ATP8A2: variants seen among roughly 807,000 people sequenced by gnomAD.
The protein encoded by ATP8A2 is phospholipid-transporting ATPase IB.
Under a neutral mutation model 165.6 loss-of-function variants are expected in ATP8A2, and 100 were observed. The ratio of observed to expected loss-of-function variants is 0.60; its 90% CI spans 0.51 to 0.71. The LOEUF (loss-of-function observed/expected upper bound fraction) is 0.71. Among genes scored for constraint, ATP8A2 ranks in the 30% least tolerant of loss-of-function variants. ATP8A2 has a pLI of 0.00. For missense variants in ATP8A2, 1,227 were observed against 1,479.5 expected (o/e 0.83, Z 2.80); for synonymous variants, 543 against 548.8 (o/e 0.99, Z 0.15).
At position 25,953,517 on chromosome 13, in the gene ATP8A2, CT is replaced by C. The variant is rs386378544; in HGVS notation, c.3184-8053del. ...CTTATGTAGCCCTGGTTACTCCAGC[CT>C]TTTTAAAAAAAAAAAAAAAAAAAAA... On this transcript the variant is annotated intron_variant, in intron 33 of 36. Coordinates refer to ENST00000381655, the MANE Select transcript of ATP8A2 (RefSeq NM_016529.6). This position sits in a 1 kb window ranked among gnomAD's most constrained non-coding sequence, Gnocchi z 6.7. Among the ~76,000 whole-genome samples the C allele has an allele frequency of 4.1e-4, 45 of 109,294 alleles. No individual in the cohort carries two copies. Among genetic ancestry groups the C allele is most frequent in the Non-Finnish European group, 5.8e-4 (30 of 51,712 alleles). 71.7% of individuals were successfully genotyped at this position (109,294 alleles called of 152,430 possible).
At chr13:25,553,649 T>G (rs1288190647) in intron 11 of ATP8A2, 144 bp from the exon 12 acceptor site, 2 of 756,252 alleles carry the variant, frequency 2.6e-6, no homozygotes, top group Non-Finnish European at 4.4e-6. Flanking sequence ...GTGGGGCCTG[T>G]GTGCCTCCTA....
chr13:25,492,354 C>G (rs1265012496), intron 2 of ATP8A2, among the ~76,000 whole-genome samples: 1 of 152,184 alleles, frequency 6.6e-6, no homozygotes, highest in Admixed American at 6.5e-5. Flanking sequence ...CCATGCCTGG[C>G]CTAGATGCAA....
intron 10 of ATP8A2, among the ~76,000 whole-genome samples, chr13:25,549,109 T>C (rs955583165): frequency 2.0e-4 from 30 of 152,286 alleles, no homozygotes; most frequent in African/African-American, 7.2e-4. Flanking sequence ...TTTTTATGGT[T>C]AGTGCCTTAC....
intron 1 of ATP8A2, among the ~76,000 whole-genome samples, chr13:25,452,685 T>G (rs1206203977): frequency 6.6e-6 from 1 of 152,212 alleles, no homozygotes. Flanking sequence ...ATTTTTTAGC[T>G]TCATCAATAG....
intron 27 of ATP8A2, among the ~76,000 whole-genome samples, chr13:25,796,622 C>T (rs1215358747): frequency 6.6e-6 from 1 of 152,220 alleles, no homozygotes; most frequent in Non-Finnish European, 1.5e-5. Context: ...AGATCTTCAG[C>T]ACTAGCCCAG....
intron 24 of ATP8A2, among the ~76,000 whole-genome samples, chr13:25,627,440 G>A (rs2076379630): frequency 6.6e-6 from 1 of 152,126 alleles, no homozygotes; most frequent in South Asian, 2.1e-4. Context: ...GCTGTATTTG[G>A]AGTAAGGAAG....
intron 1 of ATP8A2, among the ~76,000 whole-genome samples, chr13:25,454,093 C>G (rs2035298558): frequency 6.6e-6 from 1 of 152,106 alleles, no homozygotes. Context: ...ATGTGTCACT[C>G]TGGAGTGAAC....
intron 27 of ATP8A2, among the ~76,000 whole-genome samples, chr13:25,775,596 C>T (rs74352776): frequency 0.031 from 4,786 of 152,172 alleles, 256 homozygotes; most frequent in African/African-American, 0.11. Context: ...ACAAACGTGC[C>T]TGCTAGAGGG....
At chr13:25,478,842 C>T (rs1394210249) in intron 2 of ATP8A2, among the ~76,000 whole-genome samples, 1 of 126,272 alleles carries the variant, frequency 7.9e-6, no homozygotes, top group Non-Finnish European at 1.6e-5. Flanking sequence ...CATTGGATGT[C>T]CCATTTGTAA....
intron 33 of ATP8A2, among the ~76,000 whole-genome samples, chr13:25,918,688 T>C (rs1954341293): frequency 6.6e-6 from 1 of 152,100 alleles, no homozygotes; most frequent in Non-Finnish European, 1.5e-5. Flanking sequence ...AGTCAACACA[T>C]AGAAAATTTG....
chr13:25,814,770 C>A (rs4126591), intron 27 of ATP8A2, among the ~76,000 whole-genome samples: 2,073 of 152,216 alleles, frequency 0.014, 43 homozygotes, highest in African/African-American at 0.045. Context: ...AATTCCAGCA[C>A]TTTGGGAGGC....
intron 1 of ATP8A2, among the ~76,000 whole-genome samples, chr13:25,414,689 T>G (rs188626955): frequency 3.7e-4 from 57 of 152,364 alleles, no homozygotes; most frequent in African/African-American, 1.3e-3. Context: ...CTGAGGTTTC[T>G]TAAATATTAA....
chr13:25,803,962 G>A (rs1359932247), intron 27 of ATP8A2, among the ~76,000 whole-genome samples: 1 of 152,188 alleles, frequency 6.6e-6, no homozygotes, highest in African/African-American at 2.4e-5. Context: ...GAAGTAGTAT[G>A]ACAAGCAGCA....
intron 35 of ATP8A2, among the ~76,000 whole-genome samples, chr13:25,979,739 C>T (rs184879260): frequency 3.3e-5 from 5 of 152,236 alleles, no homozygotes; most frequent in East Asian, 3.9e-4. Flanking sequence ...CTTTAGAGCT[C>T]GCCTGGTAGT....
At chr13:25,581,404 C>T (rs2039773793) in intron 22 of ATP8A2, among the ~76,000 whole-genome samples, 1 of 152,204 alleles carries the variant, frequency 6.6e-6, no homozygotes, top group Non-Finnish European at 1.5e-5. Flanking sequence ...CACCACAGGT[C>T]TCTTACTCCT....
At chr13:25,590,633 T>C (rs958941196) in intron 24 of ATP8A2, among the ~76,000 whole-genome samples, 1 of 152,162 alleles carries the variant, frequency 6.6e-6, no homozygotes, top group African/African-American at 2.4e-5. Context: ...TTGTCAGAAC[T>C]TTTAACAAGG....
At chr13:25,986,532 C>T (rs1054594911) in intron 35 of ATP8A2, among the ~76,000 whole-genome samples, 1 of 152,222 alleles carries the variant, frequency 6.6e-6, no homozygotes, top group Admixed American at 6.5e-5. Flanking sequence ...TCACCAATGG[C>T]AAGATTTCCT....
At chr13:25,732,687 G>A (rs1468774145) in intron 25 of ATP8A2, among the ~76,000 whole-genome samples, 1 of 152,166 alleles carries the variant, frequency 6.6e-6, no homozygotes, top group Non-Finnish European at 1.5e-5. Context: ...CACGCTAAGT[G>A]ATAACAGAAT....
intron 27 of ATP8A2, among the ~76,000 whole-genome samples, chr13:25,778,394 G>T (rs1468799252): frequency 6.6e-6 from 1 of 152,148 alleles, no homozygotes; most frequent in East Asian, 1.9e-4. Context: ...TGGTTTGAGG[G>T]ATTTAAAAAC....
Sources: allele counts gnomAD v4.1 joint callset (sites outside exome capture counted in the v4.1 genomes callset), GRCh38; gene constraint gnomAD v4.1.1; non-coding constraint Gnocchi (gnomAD v3.1); transcripts MANE v1.5; gene names NCBI Gene and HGNC (gene_info 2026-07-23, HGNC 2026-07-21).